TCF20: variants seen among roughly 807,000 people sequenced by gnomAD.
TCF20 encodes transcription factor 20.
TCF20 carries 3 observed loss-of-function variants against 148.6 expected under a neutral mutation model. The ratio of observed to expected loss-of-function variants is 0.02; its 90% confidence interval spans 0.01 to 0.05. The LOEUF (loss-of-function observed/expected upper bound fraction) is 0.05, where lower values mean the gene tolerates loss of function less well. Ranked by LOEUF, TCF20 falls within the 10% of genes least tolerant of loss-of-function variation. The pLI is 1.00. For synonymous variants in TCF20, 1,049 were observed against 909.5 expected, an observed-to-expected ratio of 1.15 and a Z score of -2.76; for missense variants, 2,350 against 2,429.3, an observed-to-expected ratio of 0.97 and a Z score of 0.69.
intron 1 of TCF20, among the ~76,000 whole-genome samples, chr22:42,296,638 C>T (rs1016743989): frequency 3.3e-5 from 5 of 152,202 alleles, no homozygotes; most frequent in Admixed American, 1.3e-4. Flanking sequence ...AGCTGTCAGC[C>T]GGGAGGCAGG....
intron 1 of TCF20, among the ~76,000 whole-genome samples, chr22:42,242,183 A>C: frequency 7.4e-6 from 1 of 134,528 alleles, no homozygotes; most frequent in East Asian, 2.2e-4. Context: ...AGCCTGGGCG[A>C]CAGAGCGAGA....
At chr22:42,165,143 TCTC>T in intron 5 of TCF20, among the ~76,000 whole-genome samples, 1 of 152,294 alleles carries the variant, frequency 6.6e-6, no homozygotes, top group African/African-American at 2.4e-5. Flanking sequence ...AGACTCAGGC[TCTC>T]CTCTGGAGGT....
intron 1 of TCF20, among the ~76,000 whole-genome samples, chr22:42,246,220 C>T (rs1242510317): frequency 6.6e-6 from 1 of 152,162 alleles, no homozygotes; most frequent in African/African-American, 2.4e-5. Flanking sequence ...ATTCTCTTAC[C>T]TCAGCCTCCG....
chr22:42,225,599 C>A (rs1922812894), intron 1 of TCF20, among the ~76,000 whole-genome samples: 1 of 135,492 alleles, frequency 7.4e-6, no homozygotes, highest in South Asian at 2.3e-4. Flanking sequence ...CCGGCCTGGG[C>A]GACAGAGCGA....
At chr22:42,277,068 A>T (rs1926795811) in intron 1 of TCF20, 1 of 152,202 alleles carries the variant, frequency 6.6e-6, no homozygotes, top group African/African-American at 2.4e-5. Context: ...TTGCTTCTCC[A>T]AACCTTCTCT....
At chr22:42,164,617 G>A (rs768242632) in intron 5 of TCF20, among the ~76,000 whole-genome samples, 1 of 152,190 alleles carries the variant, frequency 6.6e-6, no homozygotes, top group Non-Finnish European at 1.5e-5. Flanking sequence ...AAAGACAGAC[G>A]TGGTCCCTGC....
chr22:42,313,231 C>A (rs568298400), intron 1 of TCF20, among the ~76,000 whole-genome samples: 1 of 152,204 alleles, frequency 6.6e-6, no homozygotes, highest in South Asian at 2.1e-4. Flanking sequence ...AGGATGCAGG[C>A]GAACCCCCTG....
intron 1 of TCF20, among the ~76,000 whole-genome samples, chr22:42,249,191 T>C (rs1925161601): frequency 6.6e-6 from 1 of 152,234 alleles, no homozygotes; most frequent in Non-Finnish European, 1.5e-5. Context: ...TTTTTGACCT[T>C]GGACCGAGAG....
At chr22:42,186,898 C>T (rs746739070) in intron 2 of TCF20, among the ~76,000 whole-genome samples, 3 of 152,186 alleles carry the variant, frequency 2.0e-5, no homozygotes, top group Admixed American at 6.5e-5. Context: ...AGCAGGATTT[C>T]GAAAGCATTG....
At position 42,292,143 on chromosome 22, in the gene TCF20, T is replaced by C. The variant is rs1050794281; in HGVS notation, c.-37+51336A>G. Among the ~76,000 whole-genome samples the C allele has an allele frequency of 6.6e-6, 1 of 152,182 alleles. No individual in the cohort carries two copies. The highest frequency in any genetic ancestry group is 1.5e-5 in the Non-Finnish European group (1 of 68,036). On this transcript the variant is annotated intron_variant, in intron 1 of 1. Transcript: ENST00000515426. This position sits in a 1 kb window ranked among gnomAD's most constrained non-coding sequence, Gnocchi z 4.9. ...ATAAAGAAACTTAGCACAGCACCCA[T>C]AGGCCCTCCTGTCATGCTGGGCTCT...
intron 5 of TCF20, among the ~76,000 whole-genome samples, chr22:42,163,239 C>A (rs1359943237): frequency 6.6e-6 from 1 of 152,216 alleles, no homozygotes; most frequent in African/African-American, 2.4e-5. Context: ...CCAGGGTCTG[C>A]CTGGCCAGTT....
chr22:42,316,286 G>A (rs1927629990), intron 1 of TCF20, among the ~76,000 whole-genome samples: 1 of 152,050 alleles, frequency 6.6e-6, no homozygotes. Flanking sequence ...AGTGCCTGCA[G>A]GCTTCCAGGG....
At chr22:42,336,420 C>A (rs937055983) in intron 1 of TCF20, among the ~76,000 whole-genome samples, 1 of 152,040 alleles carries the variant, frequency 6.6e-6, no homozygotes, top group African/African-American at 2.4e-5. Flanking sequence ...CTCAGGCCTG[C>A]TTCAGGCATC....
Position 42,211,162 on chromosome 22 carries a change from G to C in TCF20, c.4144C>G (p.Leu1382Val). Reference sequence around the variant, plus strand: ...CTCTTCAAAGACAGTATATCATCAAGCGTAACCGTGTCTCCCCCAGCCTCC... The same window carrying C: ...CTCTTCAAAGACAGTATATCATCAACCGTAACCGTGTCTCCCCCAGCCTCC... Reference protein sequence around the residue: ...SAEAGGDTVTLDDILSLKSGP... With the variant: ...SAEAGGDTVTVDDILSLKSGP... Residue 1382 changes from leucine (L) to valine (V), a missense_variant, in exon 2 of 6, where the codon CTT (leucine) becomes GTT (valine). By Grantham distance (32) the Leu-to-Val change is conservative. Around this residue, in one of 7 missense-constraint regions of TCF20, gnomAD observed 231 missense variants for 213.7 expected, o/e 1.08. Coordinates refer to ENST00000677622, the MANE Select transcript of TCF20 (RefSeq NM_001378418.1). The C allele has an allele frequency of 6.2e-7, 1 of 1,614,174 alleles. No individual in the cohort carries two copies. The highest frequency in any genetic ancestry group is 8.5e-7 in the Non-Finnish European group (1 of 1,180,038).
chr22:42,324,952 A>G (rs1414476780), intron 1 of TCF20, among the ~76,000 whole-genome samples: 2 of 152,250 alleles, frequency 1.3e-5, no homozygotes, highest in Non-Finnish European at 2.9e-5. Flanking sequence ...CCAGGCTCGG[A>G]TGCCTCATCC....
intron 1 of TCF20, among the ~76,000 whole-genome samples, chr22:42,264,263 G>C (rs1926166368): frequency 6.7e-6 from 1 of 150,356 alleles, no homozygotes; most frequent in Non-Finnish European, 1.5e-5. Flanking sequence ...ATCTAAAGTG[G>C]GGCGGGGGCG....
chr22:42,228,038 C>T (rs1923068970), intron 1 of TCF20, among the ~76,000 whole-genome samples: 1 of 152,172 alleles, frequency 6.6e-6, no homozygotes, highest in South Asian at 2.1e-4. Flanking sequence ...GTAAGAGCCA[C>T]ATGGGGAAGT....
At chr22:42,225,895 T>C (rs917066823) in intron 1 of TCF20, among the ~76,000 whole-genome samples, 1 of 152,156 alleles carries the variant, frequency 6.6e-6, no homozygotes, top group African/African-American at 2.4e-5. Flanking sequence ...AAATTATTTT[T>C]TGAGAATCAG....
chr22:42,182,104 C>A (rs1344822326), intron 2 of TCF20, among the ~76,000 whole-genome samples: 1 of 152,104 alleles, frequency 6.6e-6, no homozygotes, highest in Non-Finnish European at 1.5e-5. Flanking sequence ...ACTAAATCAC[C>A]CAAACCCAGG....
Sources: allele counts gnomAD v4.1 joint callset (sites outside exome capture counted in the v4.1 genomes callset), GRCh38; gene constraint gnomAD v4.1.1; regional missense constraint gnomAD v4.1.1; non-coding constraint Gnocchi (gnomAD v3.1); transcripts MANE v1.5; gene names NCBI Gene and HGNC (gene_info 2026-07-23, HGNC 2026-07-21).